Variants in TTLL11 observed in about 807,000 individuals in gnomAD.
TTLL11 encodes the protein tubulin polyglutamylase TTLL11.
Under a neutral mutation model 51.7 loss-of-function variants are expected in TTLL11, and 42 were observed. The observed-to-expected ratio is 0.81, with a 90% CI of 0.64 to 1.05. The LOEUF (loss-of-function observed/expected upper bound fraction) is 1.05, where lower values mean the gene tolerates loss of function less well. TTLL11 is among the 50% of genes least tolerant of loss of function. The pLI, the probability that TTLL11 is intolerant of heterozygous loss-of-function variation, is 0.00. For synonymous variants in TTLL11, 381 were observed against 383.5 expected (o/e 0.99, Z 0.08); for missense variants, 799 against 940.4 (o/e 0.85, Z 1.97).
intron 6 of TTLL11, among the ~76,000 whole-genome samples, chr9:121,895,827 G>A (rs111216572): frequency 5.7e-4 from 2 of 3,508 alleles, no homozygotes; most frequent in Non-Finnish European, 1.5e-3. Flanking sequence ...GTTTGTGTAT[G>A]TGTGTATGTG....
chr9:121,833,924 C>G (rs1258167231), intron 8 of TTLL11, among the ~76,000 whole-genome samples: 1 of 152,150 alleles, frequency 6.6e-6, no homozygotes, highest in Non-Finnish European at 1.5e-5. Context: ...CAGAAACTTG[C>G]CAAGCCCTTC....
At chr9:122,029,818 G>A (rs1379259840) in intron 3 of TTLL11, among the ~76,000 whole-genome samples, 7 of 152,122 alleles carry the variant, frequency 4.6e-5, no homozygotes, top group African/African-American at 1.7e-4. Flanking sequence ...CTCACCCAGA[G>A]CAACTTCTAG....
intron 6 of TTLL11, among the ~76,000 whole-genome samples, chr9:121,889,953 T>C (rs962218470): frequency 2.6e-5 from 4 of 152,130 alleles, no homozygotes; most frequent in Non-Finnish European, 5.9e-5. Context: ...TCATATAGTG[T>C]TTGTCCTGTG....
At chr9:121,991,820 G>A (rs767403724) in intron 3 of TTLL11, among the ~76,000 whole-genome samples, 12 of 152,064 alleles carry the variant, frequency 7.9e-5, no homozygotes, top group Non-Finnish European at 1.6e-4. Flanking sequence ...GAATCCTCAG[G>A]GATCATCATC....
intron 1 of TTLL11, among the ~76,000 whole-genome samples, chr9:122,048,038 C>T (rs1202396859): frequency 6.6e-6 from 1 of 152,236 alleles, no homozygotes; most frequent in Non-Finnish European, 1.5e-5. Flanking sequence ...TGAATCCCCA[C>T]TGCCTCTGCC....
rs903469993 is a variant in TTLL11 at position 121,853,165 on chromosome 9, G to A, written c.1840+7172C>T. ...TGAGGCTCAGACACCCATGGGATTGGTGGGTTGCCGCGGCTGAGCCCTGGT... is the reference window on the plus strand; with the variant it reads ...TGAGGCTCAGACACCCATGGGATTGATGGGTTGCCGCGGCTGAGCCCTGGT... On this transcript the variant is annotated intron_variant, in intron 8 of 8. Transcript: ENST00000321582. The surrounding 1 kb of genome is among the most constrained non-coding windows in gnomAD (Gnocchi z 5.6). Among the ~76,000 whole-genome samples the A allele has an allele frequency of 1.3e-5, 2 of 152,228 alleles. No homozygotes were observed. Among genetic ancestry groups the A allele is most frequent in the African/African-American group, 4.8e-5 (2 of 41,458 alleles).
At position 121,988,042 on chromosome 9, in the gene TTLL11, C is replaced by T. The variant is rs536870616; in HGVS notation, c.1269+1153G>A. Among the ~76,000 whole-genome samples, 8 of 152,208 alleles carry T rather than the reference C, an allele frequency of 5.3e-5. No homozygotes were observed. The East Asian group carries it at 1.6e-3, about 30-fold the overall frequency. On this transcript the variant is annotated intron_variant, in intron 4 of 8. Coordinates refer to ENST00000321582, the MANE Select transcript of TTLL11 (RefSeq NM_001139442.2). ...GCCTCCATCCATGCAAGTACCCAAG[C>T]CACCTGCACATCAGCCTCAGGTTCT... is the stretch of plus-strand genomic sequence containing the variant.
At chr9:122,047,874 G>T (rs979090167) in intron 1 of TTLL11, among the ~76,000 whole-genome samples, 1 of 152,176 alleles carries the variant, frequency 6.6e-6, no homozygotes, top group Admixed American at 6.5e-5. Flanking sequence ...CTCCAGTGGG[G>T]TGTAACCAGG....
chr9:122,043,028 C>T (rs1047191395), intron 1 of TTLL11, among the ~76,000 whole-genome samples: 17 of 152,114 alleles, frequency 1.1e-4, no homozygotes, highest in African/African-American at 3.9e-4. Context: ...TGTCATTATA[C>T]ATTTTTCAAA....
intron 6 of TTLL11, among the ~76,000 whole-genome samples, chr9:121,927,304 A>C (rs1840771998): frequency 6.6e-6 from 1 of 150,806 alleles, no homozygotes; most frequent in African/African-American, 2.5e-5. Context: ...GTCTGTATCT[A>C]TGTAGATAGA....
intron 6 of TTLL11, among the ~76,000 whole-genome samples, chr9:121,925,575 T>C (rs879129132): frequency 1.3e-5 from 2 of 152,204 alleles, no homozygotes; most frequent in South Asian, 2.1e-4. Flanking sequence ...TTCAAATTCA[T>C]GGCTTTCCTC....
chr9:121,870,846 T>A, intron 6 of TTLL11, 98 bp from the exon 7 acceptor site: 1 of 1,351,226 alleles, frequency 7.4e-7, no homozygotes, highest in Non-Finnish European at 9.9e-7. Flanking sequence ...TTACCAGCAT[T>A]TTTTATTTTA....
At chr9:121,864,683 T>C (rs1838128731) in intron 7 of TTLL11, among the ~76,000 whole-genome samples, 2 of 152,254 alleles carry the variant, frequency 1.3e-5, no homozygotes, top group Non-Finnish European at 2.9e-5. Context: ...CTCTCTGATG[T>C]AGAACCAGTT....
rs1016990245 is a variant in TTLL11 at position 121,930,786 on chromosome 9, C to T, written c.1481+43223G>A. On this transcript the variant is annotated intron_variant, in intron 6 of 8. Transcript: ENST00000321582. ...TAAGATGGAGCTGATACACTGTCCA[C>T]GCCTCACAGGGCAGTTGTGAGGATA... is the stretch of plus-strand genomic sequence containing the variant. 3.9e-5 allele frequency among the ~76,000 whole-genome samples: 6 copies of T among 152,226 alleles called. No individual in the cohort carries two copies. The East Asian group carries it at 7.7e-4, about 20-fold the overall frequency.
chr9:121,861,464 G>A (rs117701964), intron 7 of TTLL11, among the ~76,000 whole-genome samples: 125 of 152,298 alleles, frequency 8.2e-4, no homozygotes, highest in South Asian at 5.6e-3. Flanking sequence ...CTGAGTCTCG[G>A]TGTCCTCATC....
Position 121,820,316 on chromosome 9 carries a change from C to T in TTLL11, c.*2271G>A, listed in dbSNP as rs1410937756. On this transcript the variant is annotated 3_prime_UTR_variant, in exon 9 of 9. Transcript: ENST00000321582. ...AGACCAACTTCAAGAAATGGTGTCA[C>T]GTGAGAGCTTTGTTAAGACTTCTGG... 2.0e-5 allele frequency among the ~76,000 whole-genome samples: 3 copies of T among 152,220 alleles called. No homozygotes were observed. The highest frequency in any genetic ancestry group is 4.4e-5 in the Non-Finnish European group (3 of 68,040).
chr9:122,031,789 A>G lies in TTLL11; in HGVS notation c.627T>C (p.Pro209=), dbSNP rs1357243163. Residue 209 remains proline, a synonymous_variant, in exon 3 of 9, where the codon CCT becomes CCC. Transcript: ENST00000321582. The part of the protein sequence containing the change: ...RAVRTMQNLF[P]EEYNFYPRSW... ...AGCGAGGGTAGAAGTTGTACTCCTCAGGAAAGAGATTCTGCATGGTTCTCA... is the reference window on the plus strand; with the variant it reads ...AGCGAGGGTAGAAGTTGTACTCCTCGGGAAAGAGATTCTGCATGGTTCTCA... The G allele has an allele frequency of 6.2e-7, 1 of 1,614,008 alleles. No homozygotes were observed. Among genetic ancestry groups the G allele is most frequent in the Admixed American group, 1.7e-5 (1 of 60,030 alleles).
intron 1 of TTLL11, among the ~76,000 whole-genome samples, chr9:122,083,601 G>A (rs374813249): frequency 1.6e-4 from 25 of 152,328 alleles, no homozygotes; most frequent in African/African-American, 5.5e-4. Context: ...CACAAGGTCA[G>A]TAGTTCGAGA....
intron 3 of TTLL11, among the ~76,000 whole-genome samples, chr9:122,027,061 T>C (rs771993923): frequency 5.9e-5 from 9 of 152,216 alleles, no homozygotes; most frequent in Non-Finnish European, 1.0e-4. Flanking sequence ...TGGTGGCACC[T>C]GCTTGGCTTC....
Sources: allele counts gnomAD v4.1 joint callset (sites outside exome capture counted in the v4.1 genomes callset), GRCh38; gene constraint gnomAD v4.1.1; non-coding constraint Gnocchi (gnomAD v3.1); transcripts MANE v1.5; gene names NCBI Gene and HGNC (gene_info 2026-07-23, HGNC 2026-07-21).